Variants in KIAA0232 observed in about 807,000 individuals in gnomAD.
KIAA0232 encodes the protein KIAA0232.
KIAA0232 carries 27 observed loss-of-function variants against 122.0 expected under a neutral mutation model. That is an observed-to-expected ratio of 0.22 (90% CI 0.16 to 0.31). KIAA0232 has a LOEUF of 0.31. KIAA0232 is among the 10% of genes least tolerant of loss of function. The probability of loss-of-function intolerance (pLI) is 1.00; values close to 1 mark genes in which losing one functional copy is unlikely to be tolerated. For missense variants in KIAA0232, 1,551 were observed against 1,634.2 expected (o/e 0.95, Z 0.88); for synonymous variants, 613 against 587.6 (o/e 1.04, Z -0.63).
At chr4:6,872,064 G>A (rs1168507847) in intron 8 of KIAA0232, among the ~76,000 whole-genome samples, 2 of 152,170 alleles carry the variant, frequency 1.3e-5, no homozygotes, top group South Asian at 2.1e-4. Context: ...TGTAGCTGAC[G>A]CGGGAGAGAC....
intron 2 of KIAA0232, among the ~76,000 whole-genome samples, chr4:6,817,365 C>T (rs113812389): frequency 0.12 from 18,926 of 152,078 alleles, 1,534 homozygotes; most frequent in Middle Eastern, 0.24. Context: ...TACAAGCGTC[C>T]GCCACCATGC....
intron 4 of KIAA0232, among the ~76,000 whole-genome samples, chr4:6,842,761 C>A (rs1162697148): frequency 6.6e-6 from 1 of 151,758 alleles, no homozygotes; most frequent in East Asian, 1.9e-4. Flanking sequence ...AATTTTTTTG[C>A]ATTTTTTAGT....
intron 1 of KIAA0232, among the ~76,000 whole-genome samples, chr4:6,786,864 G>T (rs1324354977): frequency 6.6e-6 from 1 of 152,052 alleles, no homozygotes; most frequent in Non-Finnish European, 1.5e-5. Flanking sequence ...TTGGGCAGAG[G>T]GAACCAGAGC....
intron 3 of KIAA0232, among the ~76,000 whole-genome samples, chr4:6,828,011 C>T (rs956981301): frequency 7.9e-5 from 12 of 152,156 alleles, no homozygotes; most frequent in African/African-American, 2.9e-4. Flanking sequence ...TCACCTCTGT[C>T]TCTGAAACTT....
chr4:6,871,714 T>C (rs759880825), intron 8 of KIAA0232, 32 bp downstream of exon 8: 21 of 1,245,802 alleles, frequency 1.7e-5, no homozygotes, highest in Non-Finnish European at 2.2e-5. Context: ...CATTTATTCA[T>C]TGCAATTTGT....
rs370637729 is a variant in KIAA0232 at position 6,862,073 on chromosome 4, G to A, written c.1691G>A (p.Arg564His). Residue 564 changes from arginine (R) to histidine (H), a missense_variant, in exon 7 of 10, where the codon CGT becomes CAT. By Grantham distance (29) the Arg-to-His change is conservative. Around this residue, in one of 5 missense-constraint regions of KIAA0232, gnomAD observed 1,108 missense variants for 1,154.8 expected, o/e 0.96. Transcript: ENST00000307659. ...VLDGMELQGE[R>H]AIWTDSTSSV... The stretch of plus-strand genomic sequence containing the variant: ...GATGGTATGGAGTTGCAAGGGGAAC[G>A]TGCAATATGGACAGATTCTACCAGC... The A allele has an allele frequency of 1.2e-4, 193 of 1,614,074 alleles. No individual in the cohort carries two copies. Among genetic ancestry groups the A allele is most frequent in the Non-Finnish European group, 1.5e-4 (179 of 1,180,046 alleles).
intron 1 of KIAA0232, among the ~76,000 whole-genome samples, chr4:6,803,498 G>A (rs1717481007): frequency 6.6e-6 from 1 of 152,178 alleles, no homozygotes; most frequent in African/African-American, 2.4e-5. Context: ...CGTAGTTACT[G>A]GTAGTTAGAA....
intron 6 of KIAA0232, among the ~76,000 whole-genome samples, chr4:6,859,710 C>T (rs981316339): frequency 6.6e-6 from 1 of 152,166 alleles, no homozygotes; most frequent in African/African-American, 2.4e-5. Context: ...CAAGTTCAGG[C>T]CCTTTGAAAA....
intron 3 of KIAA0232, among the ~76,000 whole-genome samples, chr4:6,830,321 T>C (rs908493089): frequency 6.6e-6 from 1 of 151,998 alleles, no homozygotes; most frequent in Non-Finnish European, 1.5e-5. Context: ...TATCTGGGAA[T>C]TAGGGCTGAC....
chr4:6,839,271 C>G (rs1309437533), intron 3 of KIAA0232, among the ~76,000 whole-genome samples: 2 of 152,074 alleles, frequency 1.3e-5, no homozygotes, highest in Admixed American at 1.3e-4. Flanking sequence ...TTAGCACTTA[C>G]GTTAGGCAGA....
At chr4:6,797,993 G>C (rs1401927650) in intron 1 of KIAA0232, among the ~76,000 whole-genome samples, 1 of 151,634 alleles carries the variant, frequency 6.6e-6, no homozygotes, top group Admixed American at 6.6e-5. Context: ...GAGAGGTGGA[G>C]CTTGCAGTGA....
chr4:6,876,339 G>A (rs1284838585), intron 8 of KIAA0232, among the ~76,000 whole-genome samples: 1 of 152,178 alleles, frequency 6.6e-6, no homozygotes, highest in Non-Finnish European at 1.5e-5. Context: ...TGTGTTCCCA[G>A]GGCCGATCAC....
At chr4:6,785,827 C>T (rs1194375759) in intron 1 of KIAA0232, among the ~76,000 whole-genome samples, 1 of 152,190 alleles carries the variant, frequency 6.6e-6, no homozygotes, top group South Asian at 2.1e-4. Flanking sequence ...CTCTTTGTCC[C>T]CTTTCCACAC....
intron 3 of KIAA0232, among the ~76,000 whole-genome samples, chr4:6,832,364 T>C (rs527747574): frequency 2.2e-4 from 33 of 151,598 alleles, no homozygotes; most frequent in Non-Finnish European, 4.7e-4. Flanking sequence ...TTTTTTTTTT[T>C]TGGAGAGGGA....
chr4:6,839,787 A>G (rs1408432076), intron 3 of KIAA0232, among the ~76,000 whole-genome samples: 2 of 152,156 alleles, frequency 1.3e-5, no homozygotes, highest in African/African-American at 4.8e-5. Flanking sequence ...GAGTTTAGCC[A>G]GCAGGACTTA....
intron 9 of KIAA0232, among the ~76,000 whole-genome samples, chr4:6,877,143 G>A (rs1315388947): frequency 2.6e-5 from 4 of 151,864 alleles, no homozygotes; most frequent in Non-Finnish European, 5.9e-5. Context: ...CTCTTTGAAA[G>A]TGCACCCTGA....
At chr4:6,876,175 C>T (rs6828754) in intron 8 of KIAA0232, among the ~76,000 whole-genome samples, 63,679 of 152,048 alleles carry the variant, frequency 0.42, 14,153 homozygotes, top group Non-Finnish European at 0.5. Flanking sequence ...TGAGGAAGAA[C>T]ACACAAGGAC....
chr4:6,803,957 T>C (rs1717498957), intron 1 of KIAA0232, among the ~76,000 whole-genome samples: 2 of 152,244 alleles, frequency 1.3e-5, no homozygotes, highest in African/African-American at 4.8e-5. Context: ...CCAAGATGTA[T>C]CACCTTTGTT....
chr4:6,860,336 G>A (rs1476969916), intron 6 of KIAA0232, among the ~76,000 whole-genome samples: 1 of 152,194 alleles, frequency 6.6e-6, no homozygotes, highest in African/African-American at 2.4e-5. Context: ...AGCTAGTAAA[G>A]CAGGCAGAGC....
Sources: allele counts gnomAD v4.1 joint callset (sites outside exome capture counted in the v4.1 genomes callset), GRCh38; gene constraint gnomAD v4.1.1; regional missense constraint gnomAD v4.1.1; transcripts MANE v1.5; gene names NCBI Gene and HGNC (gene_info 2026-07-23, HGNC 2026-07-21).